RBM20: variants seen among roughly 807,000 people sequenced by gnomAD.
RBM20 encodes the protein RNA-binding protein 20.
Under a neutral mutation model 110.1 loss-of-function variants are expected in RBM20, and 51 were observed. The ratio of observed to expected loss-of-function variants is 0.46; its 90% CI spans 0.37 to 0.59. The LOEUF (loss-of-function observed/expected upper bound fraction) is 0.59, where lower values mean the gene tolerates loss of function less well. Ranked by LOEUF, RBM20 falls within the 20% of genes least tolerant of loss-of-function variation. The probability of loss-of-function intolerance (pLI) is 0.00; values close to 1 mark genes in which losing one functional copy is unlikely to be tolerated. For synonymous variants in RBM20, 589 were observed against 618.2 expected (o/e 0.95, Z 0.70); for missense variants, 1,512 against 1,574.9 (o/e 0.96, Z 0.68).
chr10:110,805,559 T>A (rs1214679851), intron 7 of RBM20, among the ~76,000 whole-genome samples: 3 of 152,246 alleles, frequency 2.0e-5, no homozygotes, highest in Non-Finnish European at 4.4e-5. Flanking sequence ...TAGCCTGCCA[T>A]GCCCTGAGGC....
At chr10:110,809,578 G>T (rs1005800869) in intron 7 of RBM20, among the ~76,000 whole-genome samples, 11 of 152,140 alleles carry the variant, frequency 7.2e-5, no homozygotes, top group African/African-American at 2.7e-4. Flanking sequence ...GGGGGCTGGG[G>T]TTGGTCCTGT....
At chr10:110,692,783 A>C (rs1862605325) in intron 1 of RBM20, among the ~76,000 whole-genome samples, 1 of 152,154 alleles carries the variant, frequency 6.6e-6, no homozygotes. Flanking sequence ...ATTATGTTGA[A>C]TAGAAGTGGA....
intron 1 of RBM20, among the ~76,000 whole-genome samples, chr10:110,719,648 CT>C (rs1843481989): frequency 6.6e-6 from 1 of 152,132 alleles, no homozygotes; most frequent in South Asian, 2.1e-4. Flanking sequence ...TTTATGGCTT[CT>C]GAGTTTTGTG....
In RBM20 at chr10:110,821,785, G is replaced by C. The variant is rs1257596773; in HGVS notation, c.3166G>C (p.Ala1056Pro). Residue 1056 changes from alanine (A) to proline (P), a missense_variant, in exon 11 of 14, where the codon GCC (alanine) becomes CCC (proline). By Grantham distance (27) the Ala-to-Pro change is conservative. This residue lies in a region of RBM20 where 358 missense variants were observed against 384.2 expected (regional missense o/e 0.93). Coordinates refer to ENST00000369519, the MANE Select transcript of RBM20 (RefSeq NM_001134363.3). ...MSSPKPAEER[A>P]RQPSPFVDDC... ...TTCCCCTAAGCCAGCAGAGGAGAGG[G>C]CCCGGCAGCCAAGCCCATTTGTGGA... is the stretch of plus-strand genomic sequence containing the variant. The C allele has an allele frequency of 1.3e-6, 2 of 1,551,784 alleles. No individual in the cohort carries two copies. Among genetic ancestry groups the C allele is most frequent in the Non-Finnish European group, 1.7e-6 (2 of 1,147,012 alleles).
intron 1 of RBM20, among the ~76,000 whole-genome samples, chr10:110,746,405 G>A (rs556114333): frequency 1.2e-4 from 19 of 152,314 alleles, no homozygotes; most frequent in Non-Finnish European, 2.4e-4. Context: ...TTCTCATTAC[G>A]AAACATTCTT....
chr10:110,703,003 GT>G (rs755758197), intron 1 of RBM20, among the ~76,000 whole-genome samples: 21,598 of 123,346 alleles, frequency 0.18, 1,147 homozygotes, highest in East Asian at 0.3. Context: ...TTTTTTTTTT[GT>G]TTTTTTTTTT....
chr10:110,829,507 C>G (rs951770407), intron 12 of RBM20, among the ~76,000 whole-genome samples: 2 of 152,174 alleles, frequency 1.3e-5, no homozygotes, highest in African/African-American at 4.8e-5. Flanking sequence ...CCTCAGGCCC[C>G]GGACCACAGC....
chr10:110,680,230 G>C (rs967553076), intron 1 of RBM20, among the ~76,000 whole-genome samples: 2 of 152,094 alleles, frequency 1.3e-5, no homozygotes, highest in African/African-American at 4.8e-5. Context: ...GTGGGTGGTG[G>C]GTTTGCTCCT....
At chr10:110,653,309 G>A (rs1238609656) in intron 1 of RBM20, among the ~76,000 whole-genome samples, 1 of 152,174 alleles carries the variant, frequency 6.6e-6, no homozygotes, top group African/African-American at 2.4e-5. Flanking sequence ...AATTTGGACT[G>A]TATTTTTAAA....
chr10:110,796,018 A>G (rs982450140), intron 5 of RBM20, among the ~76,000 whole-genome samples: 5 of 152,212 alleles, frequency 3.3e-5, no homozygotes, highest in African/African-American at 1.2e-4. Flanking sequence ...AAGGACTCCA[A>G]GCTAAAAATA....
At chr10:110,689,127 C>A (rs1293407144) in intron 1 of RBM20, among the ~76,000 whole-genome samples, 3 of 152,130 alleles carry the variant, frequency 2.0e-5, no homozygotes, top group Non-Finnish European at 4.4e-5. Context: ...TCCGTTTCCC[C>A]CAATGGCAAC....
rs140845468 is a variant in RBM20 at position 110,818,428 on chromosome 10, G to A, written c.2551-1644G>A. On this transcript the variant is annotated intron_variant, in intron 9 of 13. Coordinates refer to ENST00000369519, the MANE Select transcript of RBM20 (RefSeq NM_001134363.3). ...AGAGCAGAAGTGGGAGACCAGTTTC[G>A]AAGTGGTTCGGTAGCCCGGGCCCTG... Among the ~76,000 whole-genome samples, 337 of 152,258 alleles carry A rather than the reference G, an allele frequency of 2.2e-3. 2 individuals carry two copies. The highest frequency in any genetic ancestry group is 7.7e-3 in the African/African-American group (319 of 41,552).
intron 1 of RBM20, among the ~76,000 whole-genome samples, chr10:110,668,283 T>C (rs1862209036): frequency 6.6e-6 from 1 of 152,132 alleles, no homozygotes; most frequent in African/African-American, 2.4e-5. Context: ...ACCACTAGCC[T>C]AGCCCCCTGC....
intron 1 of RBM20, among the ~76,000 whole-genome samples, chr10:110,658,700 G>A (rs981158879): frequency 6.6e-6 from 1 of 151,956 alleles, no homozygotes; most frequent in East Asian, 1.9e-4. Context: ...CCCTGCTGTG[G>A]CTTCTCCTGG....
At chr10:110,708,772 C>A (rs900080192) in intron 1 of RBM20, among the ~76,000 whole-genome samples, 2 of 152,098 alleles carry the variant, frequency 1.3e-5, no homozygotes, top group African/African-American at 2.4e-5. Flanking sequence ...CATTGTTTCC[C>A]ATTCTGGAAG....
At chr10:110,766,323 T>C (rs553957359) in intron 1 of RBM20, among the ~76,000 whole-genome samples, 1 of 152,012 alleles carries the variant, frequency 6.6e-6, no homozygotes, top group South Asian at 2.1e-4. Flanking sequence ...GTTTTTTTTT[T>C]TGTTTTTTGT....
chr10:110,787,596 C>T (rs1280226487), intron 5 of RBM20, among the ~76,000 whole-genome samples: 1 of 152,178 alleles, frequency 6.6e-6, no homozygotes, highest in Non-Finnish European at 1.5e-5. Flanking sequence ...TTGAGGTTCC[C>T]ATGGATGTAC....
At chr10:110,660,123 C>G (rs1862081324) in intron 1 of RBM20, among the ~76,000 whole-genome samples, 1 of 152,048 alleles carries the variant, frequency 6.6e-6, no homozygotes, top group Non-Finnish European at 1.5e-5. Flanking sequence ...TGGCCTCAAG[C>G]AATTTCTAAA....
In RBM20 at chr10:110,812,440, T is replaced by C. The variant is rs376380567; in HGVS notation, c.2043T>C (p.Tyr681=). The C allele has an allele frequency of 6.4e-6, 10 of 1,551,550 alleles. No individual in the cohort carries two copies. The African/African-American group carries it at 8.2e-5, about 13-fold the overall frequency. ...GGGACTCCTGGGAGCACTCTCCCTA[T>C]GCCAGGAGGGAGGAAGAGCGAGACC... ...NGRDSWEHSP[Y]ARREEERDPA... is the part of the protein sequence containing the mutation. The change falls in exon 9 of 14, where the codon TAT becomes TAC. Residue 681 remains tyrosine (Y), a synonymous_variant. Coordinates refer to ENST00000369519, the MANE Select transcript of RBM20 (RefSeq NM_001134363.3).
Sources: gnomAD v4.1 joint callset for allele counts (sites outside exome capture counted in the v4.1 genomes callset) on GRCh38, gnomAD v4.1.1 for gene constraint, gnomAD v4.1.1 regional missense constraint, MANE v1.5 for transcripts, NCBI Gene and HGNC (gene_info 2026-07-23, HGNC 2026-07-21) for gene names.